The following GUCY1A1 variants were observed in gnomAD, a reference collection of about 807,000 sequenced individuals.
GUCY1A1 encodes the protein guanylate cyclase 1 soluble subunit alpha 1.
A neutral mutation model predicts 64.5 loss-of-function variants in GUCY1A1; 48 were observed. That is an observed-to-expected ratio of 0.74 (90% CI 0.59 to 0.95). The LOEUF is 0.95. Among genes scored for constraint, GUCY1A1 ranks in the 40% least tolerant of loss-of-function variants. GUCY1A1 has a pLI of 0.00. For synonymous variants in GUCY1A1, 308 were observed against 303.4 expected, an observed-to-expected ratio of 1.02 and a Z score of -0.16; for missense variants, 804 against 825.3, an observed-to-expected ratio of 0.97 and a Z score of 0.32.
At chr4:155,678,414 AT>A (rs1396950378) in intron 2 of GUCY1A1, among the ~76,000 whole-genome samples, 1 of 152,192 alleles carries the variant, frequency 6.6e-6, no homozygotes, top group Non-Finnish European at 1.5e-5. Flanking sequence ...TTTTACAATA[AT>A]TTTATATCAA....
chr4:155,718,839 C>G (rs1487809040), intron 8 of GUCY1A1, among the ~76,000 whole-genome samples: 4 of 152,166 alleles, frequency 2.6e-5, no homozygotes. Flanking sequence ...AGAGAGAGGG[C>G]TCAGAGCCCA....
At position 155,710,681 on chromosome 4, in the gene GUCY1A1, G is replaced by C. The variant is rs765678489; in HGVS notation, c.516G>C (p.Gln172His). 1.2e-6 allele frequency: 2 copies of C among 1,614,042 alleles called. No individual in the cohort carries two copies. The highest frequency in any genetic ancestry group is 1.1e-5 in the South Asian group (1 of 91,074). Residue 172 changes from glutamine (Q) to histidine (H), a missense_variant, in exon 6 of 10, where the codon CAG (glutamine) becomes CAC (histidine). By Grantham distance (24) the Gln-to-His change is conservative. Coordinates refer to ENST00000506455, the MANE Select transcript of GUCY1A1 (RefSeq NM_001130682.3). ...ACAGCTTCAGTACCCTTCTGAAACA[G>C]AGCAGCCATTGCCAAGAAGCAGGAA... Reference protein sequence around the residue: ...FLNSFSTLLKQSSHCQEAGKR... With the variant: ...FLNSFSTLLKHSSHCQEAGKR...
intron 7 of GUCY1A1, among the ~76,000 whole-genome samples, chr4:155,715,265 G>A (rs549259099): frequency 5.9e-5 from 9 of 152,024 alleles, no homozygotes; most frequent in South Asian, 4.2e-4. Flanking sequence ...ATGTATAATC[G>A]TAGCCTACCC....
chr4:155,708,068 A>G (rs1370254863), intron 4 of GUCY1A1, among the ~76,000 whole-genome samples, 168 bp from the exon 5 acceptor site: 1 of 151,976 alleles, frequency 6.6e-6, no homozygotes, highest in Non-Finnish European at 1.5e-5. Context: ...TGAACTCCTG[A>G]CCTTGTGATC....
At chr4:155,717,413 C>A in intron 8 of GUCY1A1, 111 bp downstream of exon 8, 1 of 614,632 alleles carries the variant, frequency 1.6e-6, no homozygotes, top group Non-Finnish European at 2.5e-6. Flanking sequence ...AGAGAGAAAG[C>A]AAAATCTATA....
intron 9 of GUCY1A1, among the ~76,000 whole-genome samples, chr4:155,726,842 G>T (rs1005597857): frequency 6.6e-6 from 1 of 152,002 alleles, no homozygotes; most frequent in Non-Finnish European, 1.5e-5. Context: ...CATTAGATCA[G>T]TGAGTCAGTG....
chr4:155,713,950 A>C (rs2126880592), intron 7 of GUCY1A1, among the ~76,000 whole-genome samples: 1 of 152,348 alleles, frequency 6.6e-6, no homozygotes, highest in East Asian at 1.9e-4. Flanking sequence ...TGAATTATTA[A>C]GTGTGAGATA....
chr4:155,693,307 T>A (rs1434312029), intron 2 of GUCY1A1, among the ~76,000 whole-genome samples: 1 of 152,200 alleles, frequency 6.6e-6, no homozygotes, highest in South Asian at 2.1e-4. Context: ...TCTGAGAACA[T>A]ATTATTCCAC....
At chr4:155,715,321 CA>C (rs1215746738) in intron 7 of GUCY1A1, among the ~76,000 whole-genome samples, 1 of 152,076 alleles carries the variant, frequency 6.6e-6, no homozygotes, top group Non-Finnish European at 1.5e-5. Flanking sequence ...TTATTTATTC[CA>C]AGACTGGATT....
intron 2 of GUCY1A1, among the ~76,000 whole-genome samples, chr4:155,683,438 C>A (rs1736095992): frequency 1.3e-5 from 2 of 152,274 alleles, no homozygotes; most frequent in Non-Finnish European, 2.9e-5. Context: ...TGACTCAGAG[C>A]CAGTAGTTCT....
At chr4:155,714,803 A>G (rs1453825186) in intron 7 of GUCY1A1, among the ~76,000 whole-genome samples, 2 of 152,222 alleles carry the variant, frequency 1.3e-5, no homozygotes, top group Non-Finnish European at 2.9e-5. Context: ...CCCTTGGGGA[A>G]AAAGAGGTCC....
intron 3 of GUCY1A1, among the ~76,000 whole-genome samples, chr4:155,701,508 AG>A (rs1731079246): frequency 6.6e-6 from 1 of 152,220 alleles, no homozygotes; most frequent in African/African-American, 2.4e-5. Context: ...TTGACTAAAA[AG>A]GTAAAAGAGT....
At chr4:155,700,155 C>A (rs577830193) in intron 3 of GUCY1A1, among the ~76,000 whole-genome samples, 1 of 152,180 alleles carries the variant, frequency 6.6e-6, no homozygotes, top group South Asian at 2.1e-4. Flanking sequence ...CTCCTTCAGG[C>A]ATACTGTCTT....
At chr4:155,706,732 T>C (rs13113690) in intron 4 of GUCY1A1, among the ~76,000 whole-genome samples, 57,035 of 152,072 alleles carry the variant, frequency 0.38, 10,950 homozygotes, top group East Asian at 0.5. Context: ...CACCCACTTG[T>C]ATTTTTTGAA....
intron 9 of GUCY1A1, among the ~76,000 whole-genome samples, chr4:155,728,997 A>G (rs1735156465): frequency 6.6e-6 from 1 of 151,892 alleles, no homozygotes; most frequent in Admixed American, 6.6e-5. Context: ...AGCAGATTAC[A>G]TATTTATTGA....
chr4:155,674,087 G>T (rs182753863), intron 2 of GUCY1A1, among the ~76,000 whole-genome samples: 1 of 148,680 alleles, frequency 6.7e-6, no homozygotes, highest in Non-Finnish European at 1.5e-5. Flanking sequence ...CGGGCGTGGT[G>T]GCTCACGCCT....
At position 155,677,417 on chromosome 4, in the gene GUCY1A1, C is replaced by G. The variant is rs149431270; in HGVS notation, c.-113+9998C>G. Among the ~76,000 whole-genome samples, 923 of 152,304 alleles carry G rather than the reference C, an allele frequency of 6.1e-3. 14 individuals are homozygous for G. The highest frequency in any genetic ancestry group is 0.021 in the African/African-American group (857 of 41,560). On this transcript the variant is annotated intron_variant, in intron 2 of 9. Coordinates refer to ENST00000506455, the MANE Select transcript of GUCY1A1 (RefSeq NM_001130682.3). ...CAGTGTCAAAAGTTAGCCTTCATGA[C>G]TATCACCACTGATCTCATCAGGAAG...
Position 155,708,228 on chromosome 4 carries a change from A to C in GUCY1A1, c.318-8A>C, listed in dbSNP as rs781675069. The C allele has an allele frequency of 9.6e-6, 13 of 1,351,756 alleles. No individual in the cohort carries two copies. In the South Asian group the frequency reaches 1.5e-4, roughly 16 times the overall value. The allele number at this position is 1,351,756 out of a possible 1,614,324, so 83.7% of individuals were successfully genotyped here. ...AGTTTATAACTTAAAATATTGAAATATTTCCAGGAAATCTTTGGAAAGAGA... is the reference window on the plus strand; with the variant it reads ...AGTTTATAACTTAAAATATTGAAATCTTTCCAGGAAATCTTTGGAAAGAGA... On this transcript the variant is annotated splice_region_variant and splice_polypyrimidine_tract_variant and intron_variant, in intron 4 of 9. Transcript: ENST00000506455.
intron 2 of GUCY1A1, among the ~76,000 whole-genome samples, chr4:155,693,164 T>C (rs1327918093): frequency 6.6e-6 from 1 of 152,176 alleles, no homozygotes; most frequent in African/African-American, 2.4e-5. Flanking sequence ...TTATTAATAC[T>C]AGGCCAGTAG....
Sources: gnomAD v4.1 joint callset for allele counts (sites outside exome capture counted in the v4.1 genomes callset) on GRCh38, gnomAD v4.1.1 for gene constraint, MANE v1.5 for transcripts, NCBI Gene and HGNC (gene_info 2026-07-23, HGNC 2026-07-21) for gene names.